The following CEP128 variants were observed in gnomAD, a reference collection of about 807,000 sequenced individuals.
The protein encoded by CEP128 is centrosomal protein 128, also known as centrosomal protein 128kDa.
A neutral mutation model predicts 156.7 loss-of-function variants in CEP128; 132 were observed. The ratio of observed to expected loss-of-function variants is 0.84; its 90% CI spans 0.73 to 0.97. The LOEUF (loss-of-function observed/expected upper bound fraction) is 0.97, where lower values mean the gene tolerates loss of function less well. Among genes scored for constraint, CEP128 ranks in the 50% least tolerant of loss-of-function variants. The pLI, the probability that CEP128 is intolerant of heterozygous loss-of-function variation, is 0.00. For synonymous variants in CEP128, 469 were observed against 448.9 expected (o/e 1.04, Z -0.57); for missense variants, 1,252 against 1,281.9 (o/e 0.98, Z 0.36).
At chr14:80,956,986 G>A (rs1038070617) in intron 2 of CEP128, among the ~76,000 whole-genome samples, 7 of 152,148 alleles carry the variant, frequency 4.6e-5, no homozygotes, top group Admixed American at 1.3e-4. Context: ...GTCACCTCTA[G>A]AATAAAATTC....
intron 13 of CEP128, among the ~76,000 whole-genome samples, chr14:80,806,706 T>C (rs867582677): frequency 6.6e-6 from 1 of 152,188 alleles, no homozygotes; most frequent in Non-Finnish European, 1.5e-5. Flanking sequence ...TGAAATGCGA[T>C]AGGCCAAAGC....
At chr14:80,775,196 G>C (rs1023808335) in intron 16 of CEP128, among the ~76,000 whole-genome samples, 4 of 152,152 alleles carry the variant, frequency 2.6e-5, no homozygotes, top group African/African-American at 9.7e-5. Flanking sequence ...CCCATTTGAA[G>C]GATGATAAAA....
intron 9 of CEP128, among the ~76,000 whole-genome samples, chr14:80,846,838 G>T (rs533886230): frequency 3.3e-5 from 5 of 152,140 alleles, no homozygotes; most frequent in Non-Finnish European, 7.4e-5. Flanking sequence ...AAAGCTAACA[G>T]CTGGCATGCT....
At chr14:80,611,684 T>G (rs1254364259) in intron 19 of CEP128, among the ~76,000 whole-genome samples, 1 of 152,188 alleles carries the variant, frequency 6.6e-6, no homozygotes, top group African/African-American at 2.4e-5. Context: ...AATTATAGCT[T>G]CACTCTAAGT....
intron 16 of CEP128, among the ~76,000 whole-genome samples, chr14:80,768,619 G>A (rs146498703): frequency 4.3e-4 from 65 of 152,250 alleles, no homozygotes; most frequent in Middle Eastern, 3.4e-3. Context: ...AAACAATGGA[G>A]CTAATAGAAA....
chr14:80,616,056 C>T (rs6574591), intron 19 of CEP128, among the ~76,000 whole-genome samples: 19,053 of 152,092 alleles, frequency 0.13, 1,980 homozygotes, highest in African/African-American at 0.28. Context: ...AAACTAAAAC[C>T]ACATCTGTGC....
chr14:80,891,935 G>T (rs962643575), intron 8 of CEP128, among the ~76,000 whole-genome samples: 5 of 151,530 alleles, frequency 3.3e-5, no homozygotes, highest in Non-Finnish European at 7.4e-5. Flanking sequence ...AAAAATAAAT[G>T]AAAAGATATT....
intron 19 of CEP128, among the ~76,000 whole-genome samples, chr14:80,740,814 A>G (rs1898795653): frequency 6.6e-6 from 1 of 152,200 alleles, no homozygotes; most frequent in Admixed American, 6.5e-5. Context: ...CAAATGACAC[A>G]TGACAGCAAG....
At chr14:80,735,331 A>G (rs528769109) in intron 19 of CEP128, among the ~76,000 whole-genome samples, 2 of 152,214 alleles carry the variant, frequency 1.3e-5, no homozygotes, top group Non-Finnish European at 2.9e-5. Context: ...GTATATTTGA[A>G]GAAAGAATAT....
intron 19 of CEP128, among the ~76,000 whole-genome samples, chr14:80,608,241 T>C (rs569713314): frequency 6.6e-6 from 1 of 152,302 alleles, no homozygotes; most frequent in African/African-American, 2.4e-5. Flanking sequence ...TGTTTAATTG[T>C]TTTGTCTTTT....
chr14:80,773,771 C>T (rs982376303), intron 16 of CEP128, among the ~76,000 whole-genome samples: 5 of 151,874 alleles, frequency 3.3e-5, no homozygotes, highest in African/African-American at 9.7e-5. Flanking sequence ...GTAAATGTCA[C>T]AAAAATCAAA....
chr14:80,728,932 C>T (rs1308519435), intron 19 of CEP128, among the ~76,000 whole-genome samples: 1 of 152,158 alleles, frequency 6.6e-6, no homozygotes, highest in Non-Finnish European at 1.5e-5. Context: ...CGCGGAGTCA[C>T]AGAATCTGCA....
At chr14:80,696,659 T>A (rs1896901659) in intron 19 of CEP128, among the ~76,000 whole-genome samples, 1 of 152,178 alleles carries the variant, frequency 6.6e-6, no homozygotes, top group African/African-American at 2.4e-5. Flanking sequence ...AAGTGACCTT[T>A]GTATTTGACA....
At position 80,643,666 on chromosome 14, in the gene CEP128, C is replaced by T. The variant is rs149369232; in HGVS notation, c.2807-63243G>A. On this transcript the variant is annotated intron_variant, in intron 19 of 24. Coordinates refer to ENST00000555265, the MANE Select transcript of CEP128 (RefSeq NM_152446.5). Reference sequence around the variant, plus strand: ...CGAAGGTTACAGTGAGCTGAGATCACGCCACTGCACTCTAACCTGGGCATC... The same window carrying T: ...CGAAGGTTACAGTGAGCTGAGATCATGCCACTGCACTCTAACCTGGGCATC... Among the ~76,000 whole-genome samples the T allele has an allele frequency of 9.5e-3, 1,450 of 152,126 alleles. 11 individuals are homozygous for T. The highest frequency in any genetic ancestry group is 0.017 in the Non-Finnish European group (1,148 of 68,006).
At chr14:80,556,045 C>T (rs566063720) in intron 21 of CEP128, among the ~76,000 whole-genome samples, 1 of 152,068 alleles carries the variant, frequency 6.6e-6, no homozygotes, top group Middle Eastern at 3.4e-3. Flanking sequence ...TCATATTGAG[C>T]CCAATAAATT....
At chr14:80,786,999 T>C (rs1405919675) in intron 14 of CEP128, among the ~76,000 whole-genome samples, 1 of 152,074 alleles carries the variant, frequency 6.6e-6, no homozygotes, top group East Asian at 1.9e-4. Context: ...GATGAAGGAG[T>C]TCACTTCCGA....
intron 19 of CEP128, among the ~76,000 whole-genome samples, chr14:80,712,122 G>T (rs1897435160): frequency 1.3e-5 from 2 of 152,052 alleles, no homozygotes; most frequent in African/African-American, 2.4e-5. Context: ...TAATATGAGG[G>T]TAGGAAGATT....
intron 19 of CEP128, among the ~76,000 whole-genome samples, chr14:80,647,095 A>C (rs1894688989): frequency 2.6e-5 from 3 of 117,194 alleles, no homozygotes; most frequent in African/African-American, 3.1e-5. Context: ...ATACACCCTT[A>C]TAAATACACA....
chr14:80,864,269 G>A (rs1332374105), intron 8 of CEP128, among the ~76,000 whole-genome samples: 1 of 152,108 alleles, frequency 6.6e-6, no homozygotes, highest in Non-Finnish European at 1.5e-5. Flanking sequence ...AGTTCTGGGG[G>A]AGTCCAAATT....
Sources: gnomAD v4.1 joint callset for allele counts (sites outside exome capture counted in the v4.1 genomes callset) on GRCh38, gnomAD v4.1.1 for gene constraint, MANE v1.5 for transcripts, NCBI Gene and HGNC (gene_info 2026-07-23, HGNC 2026-07-21) for gene names.